CDH12: variants seen among roughly 807,000 people sequenced by gnomAD.
CDH12 encodes cadherin 12, also known as cadherin-12.
In CDH12, 41 loss-of-function variants were observed where a neutral mutation model predicts 74.1. The observed-to-expected ratio is 0.55, with a 90% CI of 0.43 to 0.72. CDH12 has a LOEUF of 0.72. Ranked by LOEUF, CDH12 falls within the 30% of genes least tolerant of loss-of-function variation. The probability of loss-of-function intolerance (pLI) is 0.00; values close to 1 mark genes in which losing one functional copy is unlikely to be tolerated. For missense variants in CDH12, 945 were observed against 977.2 expected (o/e 0.97, Z 0.44); for synonymous variants, 399 against 355.0 (o/e 1.12, Z -1.39).
chr5:22,579,979 G>GC (rs1561504990), intron 1 of CDH12, among the ~76,000 whole-genome samples: 1 of 152,056 alleles, frequency 6.6e-6, no homozygotes, highest in Non-Finnish European at 1.5e-5. Flanking sequence ...CTTGCTACAT[G>GC]CTCTGGCCTC....
chr5:21,810,428 G>A (rs1278185976), intron 9 of CDH12, among the ~76,000 whole-genome samples: 1 of 152,032 alleles, frequency 6.6e-6, no homozygotes, highest in Non-Finnish European at 1.5e-5. Context: ...GCCCTATTTG[G>A]CAAGGGGATG....
intron 4 of CDH12, among the ~76,000 whole-genome samples, chr5:22,160,975 T>A (rs1748309258): frequency 6.6e-6 from 1 of 152,172 alleles, no homozygotes; most frequent in Non-Finnish European, 1.5e-5. Context: ...TTTGGGAAAG[T>A]CATGCATGGC....
chr5:22,390,768 A>G (rs796396066), intron 3 of CDH12, among the ~76,000 whole-genome samples: 6 of 152,342 alleles, frequency 3.9e-5, no homozygotes, highest in African/African-American at 1.4e-4. Flanking sequence ...CCTAACTTGC[A>G]TGAAAAACAT....
At chr5:22,411,879 C>A (rs1283600664) in intron 2 of CDH12, among the ~76,000 whole-genome samples, 4 of 151,920 alleles carry the variant, frequency 2.6e-5, no homozygotes, top group Non-Finnish European at 5.9e-5. Flanking sequence ...GGCTTGATGA[C>A]TAAATTTGAT....
At position 22,732,223 on chromosome 5, in the gene CDH12, T is replaced by C. The variant is rs1282855673; in HGVS notation, c.-523+120835A>G. On this transcript the variant is annotated intron_variant, in intron 1 of 14. Coordinates refer to ENST00000382254, the MANE Select transcript of CDH12 (RefSeq NM_004061.5). Reference sequence around the variant, plus strand: ...TATAGCTGCCAGTTTTCTCCTGGCATCTTCACACGGTCTTCCCTCTGTATA... The same window carrying C: ...TATAGCTGCCAGTTTTCTCCTGGCACCTTCACACGGTCTTCCCTCTGTATA... Among the ~76,000 whole-genome samples, 8 of 151,936 alleles carry C rather than the reference T, an allele frequency of 5.3e-5. No individual in the cohort carries two copies. In the East Asian group the frequency reaches 1.6e-3, roughly 30 times the overall value.
In CDH12 at chr5:21,759,083, T is replaced by C. The variant is rs149168018; in HGVS notation, c.1633+1475A>G. Reference sequence around the variant, plus strand: ...ACCTCAGCATCATGAAATATACCCATGTAACAAAGTGCTAGGATTCAGTGC... The same window carrying C: ...ACCTCAGCATCATGAAATATACCCACGTAACAAAGTGCTAGGATTCAGTGC... On this transcript the variant is annotated intron_variant, in intron 13 of 14. Coordinates refer to ENST00000382254, the MANE Select transcript of CDH12 (RefSeq NM_004061.5). Among the ~76,000 whole-genome samples the C allele has an allele frequency of 2.7e-3, 415 of 152,170 alleles. 4 individuals are homozygous for C. Among genetic ancestry groups the C allele is most frequent in the African/African-American group, 9.7e-3 (403 of 41,536 alleles).
chr5:22,669,351 G>A (rs1327508405), intron 1 of CDH12, among the ~76,000 whole-genome samples: 8 of 152,182 alleles, frequency 5.3e-5, no homozygotes, highest in Admixed American at 5.2e-4. Flanking sequence ...TAGAGATACT[G>A]TAAGTGTAGA....
intron 4 of CDH12, among the ~76,000 whole-genome samples, chr5:22,090,980 A>G (rs1251327758): frequency 6.6e-6 from 1 of 151,930 alleles, no homozygotes; most frequent in Non-Finnish European, 1.5e-5. Context: ...TATCATGGTA[A>G]AGGTAACAGA....
At chr5:22,605,733 C>G (rs1395743025) in intron 1 of CDH12, among the ~76,000 whole-genome samples, 4 of 152,240 alleles carry the variant, frequency 2.6e-5, no homozygotes, top group Admixed American at 2.6e-4. Flanking sequence ...GCTCCACCAG[C>G]CCATAGGCTG....
intron 3 of CDH12, among the ~76,000 whole-genome samples, chr5:22,359,627 A>C (rs1316432106): frequency 6.6e-6 from 1 of 152,214 alleles, no homozygotes; most frequent in Non-Finnish European, 1.5e-5. Flanking sequence ...GAGAATAAAC[A>C]TTCTTCTCAG....
In CDH12 at chr5:22,078,850, C is replaced by CT; in HGVS notation, c.-175_-174insA. 2 of 1,373,268 alleles carry CT rather than the reference C, an allele frequency of 1.5e-6. No homozygotes were observed. The highest frequency in any genetic ancestry group is 1.9e-6 in the Non-Finnish European group (2 of 1,065,122). The allele number at this position is 1,373,268 out of a possible 1,614,324, so 85.1% of individuals were successfully genotyped here. On this transcript the variant is annotated 5_prime_UTR_variant, in exon 5 of 15. The change abolishes an upstream ATG in the 5' untranslated region. Transcript: ENST00000382254. Reference sequence around the variant, plus strand: ...AAAAGGCTTCTGCTGTATTATATTCCATCTAAAGGGGCCTATGAAATAGAT... The same window carrying CT: ...AAAAGGCTTCTGCTGTATTATATTCCTATCTAAAGGGGCCTATGAAATAGAT...
At chr5:22,492,650 T>C (rs1746929944) in intron 2 of CDH12, among the ~76,000 whole-genome samples, 1 of 152,148 alleles carries the variant, frequency 6.6e-6, no homozygotes, top group Admixed American at 6.5e-5. Flanking sequence ...TCCAGCCTGA[T>C]TTTTCATTTT....
At chr5:21,840,935 A>C (rs1275033691) in intron 8 of CDH12, among the ~76,000 whole-genome samples, 1 of 152,028 alleles carries the variant, frequency 6.6e-6, no homozygotes, top group African/African-American at 2.4e-5. Flanking sequence ...ACCATTCAGG[A>C]CATAGGCATG....
At chr5:22,548,241 G>A (rs1738414196) in intron 1 of CDH12, among the ~76,000 whole-genome samples, 1 of 152,096 alleles carries the variant, frequency 6.6e-6, no homozygotes, top group African/African-American at 2.4e-5. Flanking sequence ...TAACATAGCT[G>A]ACAAAGCTTA....
Position 21,999,951 on chromosome 5 carries a change from CA to C in CDH12, c.232-24567del, listed in dbSNP as rs1157111726. The stretch of plus-strand genomic sequence containing the variant: ...ATAATAAAAAATTAAGAGTTTAGTA[CA>C]ATGCAAATACTTTTGCACTACTAGG... On this transcript the variant is annotated intron_variant, in intron 5 of 14. Coordinates refer to ENST00000382254, the MANE Select transcript of CDH12 (RefSeq NM_004061.5). Among the ~76,000 whole-genome samples, 5 of 152,188 alleles carry C rather than the reference CA, an allele frequency of 3.3e-5. 1 individual carries two copies. The highest frequency in any genetic ancestry group is 3.3e-4 in the Admixed American group (5 of 15,276).
intron 3 of CDH12, among the ~76,000 whole-genome samples, chr5:22,371,406 C>T (rs1259968635): frequency 1.3e-5 from 2 of 152,018 alleles, no homozygotes; most frequent in African/African-American, 4.8e-5. Flanking sequence ...AATTTAAATA[C>T]ACAAAGTGAA....
chr5:21,781,665 G>A (rs555447474), intron 11 of CDH12, among the ~76,000 whole-genome samples: 279 of 151,864 alleles, frequency 1.8e-3, no homozygotes, highest in African/African-American at 6.1e-3. Context: ...CGGAGGTTGC[G>A]GTGAGCCGAG....
chr5:22,681,303 A>G (rs1741481516), intron 1 of CDH12, among the ~76,000 whole-genome samples: 1 of 149,424 alleles, frequency 6.7e-6, no homozygotes, highest in Non-Finnish European at 1.5e-5. Context: ...TTTTCTAACT[A>G]TTGAAGGTTA....
At chr5:22,852,790 G>A (rs1476296227) in intron 1 of CDH12, among the ~76,000 whole-genome samples, 1 of 152,178 alleles carries the variant, frequency 6.6e-6, no homozygotes, top group African/African-American at 2.4e-5. Flanking sequence ...ATGCTAAGAT[G>A]CATTTGAGGT....
Sources: gnomAD v4.1 joint callset for allele counts (sites outside exome capture counted in the v4.1 genomes callset) on GRCh38, gnomAD v4.1.1 for gene constraint, MANE v1.5 for transcripts, NCBI Gene and HGNC (gene_info 2026-07-23, HGNC 2026-07-21) for gene names.